SNX6: variants seen among roughly 807,000 people sequenced by gnomAD.
The protein encoded by SNX6 is sorting nexin 6.
In SNX6, 34 loss-of-function variants were observed where a neutral mutation model predicts 63.0. That is an observed-to-expected ratio of 0.54 (90% CI 0.41 to 0.72). SNX6 has a LOEUF of 0.72. Ranked by LOEUF, SNX6 falls within the 30% of genes least tolerant of loss-of-function variation. SNX6 has a pLI of 0.00. For missense variants in SNX6, 398 were observed against 471.4 expected, an observed-to-expected ratio of 0.84 and a Z score of 1.44; for synonymous variants, 170 against 164.2, an observed-to-expected ratio of 1.04 and a Z score of -0.27.
In SNX6 at chr14:34,562,946, G is replaced by T; in HGVS notation, c.*176C>A. On this transcript the variant is annotated 3_prime_UTR_variant, in exon 14 of 14. Transcript: ENST00000362031. ...ACACAGTGCGGCATCACGGCACACA[G>T]ACTGGCATCGCCTGGGCGTGCGCTG... 2 of 633,246 alleles carry T rather than the reference G, an allele frequency of 3.2e-6. No homozygotes were observed. The highest frequency in any genetic ancestry group is 4.0e-5 in the South Asian group (2 of 49,436). 39.2% of individuals were successfully genotyped at this position (633,246 alleles called of 1,614,324 possible).
intron 8 of SNX6, 39 bp from the exon 9 acceptor site, chr14:34,586,344 T>A (rs142970113): frequency 7.5e-7 from 1 of 1,336,746 alleles, no homozygotes; most frequent in East Asian, 2.3e-5. Context: ...TACCTATTCA[T>A]AGATTTAAAA....
chr14:34,628,315 C>T (rs545979355), intron 2 of SNX6, among the ~76,000 whole-genome samples: 3 of 152,218 alleles, frequency 2.0e-5, no homozygotes, highest in Admixed American at 6.5e-5. Flanking sequence ...AAAAATTAGC[C>T]GGGCGTGGTG....
intron 3 of SNX6, 66 bp downstream of exon 3, chr14:34,609,572 G>T (rs1225674860): frequency 2.4e-6 from 2 of 849,804 alleles, no homozygotes; most frequent in East Asian, 2.7e-5. Context: ...CCCAAGTCTG[G>T]TCAACATATC....
In SNX6 at chr14:34,576,903, G is replaced by A. The variant is rs1168908539; in HGVS notation, c.835-1061C>T. ...TCGAGACCAGCCTGACCAACATGGT[G>A]AAACCCCGTCTCTACTAAAAATACA... On this transcript the variant is annotated intron_variant, in intron 10 of 13. Transcript: ENST00000362031. Among the ~76,000 whole-genome samples, 8 of 146,884 alleles carry A rather than the reference G, an allele frequency of 5.4e-5. No homozygotes were observed. The East Asian group carries it at 1.7e-3, about 31-fold the overall frequency.
intron 2 of SNX6, among the ~76,000 whole-genome samples, chr14:34,625,729 T>C (rs952962606): frequency 3.3e-5 from 5 of 151,776 alleles, no homozygotes; most frequent in African/African-American, 1.2e-4. Flanking sequence ...CGAGACCCTG[T>C]CTCAAAAAAA....
rs868696415 is a variant in SNX6 at position 34,628,415 on chromosome 14, C to T, written c.54+1492G>A. ...CGGAGCTTGCAGTGAGCCAAGATAG[C>T]GCTACTGCACTCCAGTCTGGGTGAC... is the stretch of plus-strand genomic sequence containing the variant. On this transcript the variant is annotated intron_variant, in intron 2 of 13. Transcript: ENST00000362031. Among the ~76,000 whole-genome samples, 9 of 152,236 alleles carry T rather than the reference C, an allele frequency of 5.9e-5. No individual in the cohort carries two copies. The Middle Eastern group carries it at 0.01, about 173-fold the overall frequency.
intron 6 of SNX6, among the ~76,000 whole-genome samples, chr14:34,599,240 C>T (rs1208672919): frequency 6.6e-6 from 1 of 152,158 alleles, no homozygotes; most frequent in African/African-American, 2.4e-5. Context: ...TCCAATTGCC[C>T]ACATCATTTC....
chr14:34,614,975 T>G (rs1409582967), intron 2 of SNX6, among the ~76,000 whole-genome samples: 1 of 152,214 alleles, frequency 6.6e-6, no homozygotes, highest in East Asian at 1.9e-4. Flanking sequence ...GATCTATCAG[T>G]TTGGAAGCAT....
At chr14:34,623,706 C>G (rs1883714267) in intron 2 of SNX6, among the ~76,000 whole-genome samples, 1 of 152,118 alleles carries the variant, frequency 6.6e-6, no homozygotes. Flanking sequence ...GGATATGACT[C>G]AGAGGTTTCT....
At position 34,568,615 on chromosome 14, in the gene SNX6, G is replaced by T. The variant is rs1008950158; in HGVS notation, c.922-602C>A. ...GCCTGCTAAAGTGGATTACAAGCGT[G>T]AGCCACTGCACTCAGCCTGTTTTTT... On this transcript the variant is annotated intron_variant, in intron 11 of 13. Coordinates refer to ENST00000362031, the MANE Select transcript of SNX6 (RefSeq NM_152233.4). The T allele has an allele frequency of 1.4e-5, 9 of 661,222 alleles. No homozygotes were observed. The East Asian group carries it at 2.7e-4, about 20-fold the overall frequency. The allele number at this position is 661,222 out of a possible 1,614,324, so 41.0% of individuals were successfully genotyped here.
intron 2 of SNX6, among the ~76,000 whole-genome samples, chr14:34,619,728 T>C (rs952524022): frequency 1.4e-4 from 21 of 152,066 alleles, no homozygotes; most frequent in African/African-American, 4.3e-4. Flanking sequence ...TCCTGTGACC[T>C]TTCCATTTAT....
chr14:34,596,053 AC>A (rs1882583558), intron 7 of SNX6, among the ~76,000 whole-genome samples: 1 of 151,792 alleles, frequency 6.6e-6, no homozygotes, highest in Non-Finnish European at 1.5e-5. Context: ...CCCCATCTGT[AC>A]TAAAAATACA....
At chr14:34,564,971 G>A (rs972255596) in intron 13 of SNX6, among the ~76,000 whole-genome samples, 3 of 151,716 alleles carry the variant, frequency 2.0e-5, no homozygotes, top group Admixed American at 2.0e-4. Flanking sequence ...CTACATAAAA[G>A]CAGCCACAAG....
At chr14:34,587,532 CAAAAAAAAAAA>C (rs34380966) in intron 8 of SNX6, among the ~76,000 whole-genome samples, 14 of 57,808 alleles carry the variant, frequency 2.4e-4, no homozygotes, top group Middle Eastern at 0.019. Context: ...GACTCCATCT[CAAAAAAAAAAA>C]AAAAAAAAAA....
rs1881456914 is a variant in SNX6 at position 34,571,618 on chromosome 14, T to C, written c.922-3605A>G. Among the ~76,000 whole-genome samples the C allele has an allele frequency of 2.0e-5, 3 of 152,092 alleles. No individual in the cohort carries two copies. The South Asian group carries it at 6.2e-4, about 32-fold the overall frequency. ...TGCCAGGGATTGGGAGAAAGGAGGA[T>C]GAAGGGAGAGAGCACAGAGGATTTT... On this transcript the variant is annotated intron_variant, in intron 11 of 13. Transcript: ENST00000362031.
At chr14:34,606,467 G>A (rs9671485) in intron 4 of SNX6, among the ~76,000 whole-genome samples, 1 of 73,246 alleles carries the variant, frequency 1.4e-5, no homozygotes, top group Non-Finnish European at 2.7e-5. Flanking sequence ...TTTTTTTTTT[G>A]GGGGGATGGA....
At chr14:34,591,301 A>G (rs775701395) in intron 8 of SNX6, among the ~76,000 whole-genome samples, 14 of 152,152 alleles carry the variant, frequency 9.2e-5, no homozygotes, top group African/African-American at 1.7e-4. Context: ...TTGTAGCATT[A>G]TGCACTTGGC....
chr14:34,562,769 A>ACCT lies in SNX6; in HGVS notation c.*352_*353insAGG. 4.8e-6 allele frequency: 1 copy of ACCT among 209,412 alleles called. No homozygotes were observed. Among genetic ancestry groups the ACCT allele is most frequent in the Non-Finnish European group, 9.4e-6 (1 of 105,940 alleles). The allele number at this position is 209,412 out of a possible 1,614,324, so 13.0% of individuals were successfully genotyped here. ...CAACAATGCATTCTGAAAAGGTTAA[A>ACCT]TTTCAGAAATTATTTAAAGGTAAAT... On this transcript the variant is annotated 3_prime_UTR_variant, in exon 14 of 14. Transcript: ENST00000362031.
At chr14:34,568,206 G>A (rs141803681) in intron 11 of SNX6, among the ~76,000 whole-genome samples, 193 bp from the exon 12 acceptor site, 2,798 of 149,256 alleles carry the variant, frequency 0.019, 88 homozygotes, top group African/African-American at 0.064. Flanking sequence ...ATGCAATGGC[G>A]TGATCTTGGC....
Sources: gnomAD v4.1 joint callset for allele counts (sites outside exome capture counted in the v4.1 genomes callset) on GRCh38, gnomAD v4.1.1 for gene constraint, MANE v1.5 for transcripts, NCBI Gene and HGNC (gene_info 2026-07-23, HGNC 2026-07-21) for gene names.